Variants in PHYKPL observed in about 807,000 individuals in gnomAD.
The protein encoded by PHYKPL is 5-phosphohydroxy-L-lysine phospho-lyase, also known as 5-phosphonooxy-L-lysine phospho-lyase.
In PHYKPL, 42 loss-of-function variants were observed where a neutral mutation model predicts 51.3. That is an observed-to-expected ratio of 0.82 (90% confidence interval 0.64 to 1.06). The LOEUF (loss-of-function observed/expected upper bound fraction) is 1.06, where lower values mean the gene tolerates loss of function less well. PHYKPL is among the 50% of genes least tolerant of loss of function. The probability of loss-of-function intolerance (pLI) is 0.00; values close to 1 mark genes in which losing one functional copy is unlikely to be tolerated. For missense variants in PHYKPL, 655 were observed against 586.6 expected, an observed-to-expected ratio of 1.12 and a Z score of -1.20; for synonymous variants, 264 against 236.0, an observed-to-expected ratio of 1.12 and a Z score of -1.09.
Position 178,224,568 on chromosome 5 carries a change from TG to T in PHYKPL, c.502-5del, listed in dbSNP as rs1761905290. 1.2e-6 allele frequency: 2 copies of T among 1,614,146 alleles called. No individual in the cohort carries two copies. Among genetic ancestry groups the T allele is most frequent in the Admixed American group, 1.7e-5 (1 of 60,024 alleles). On this transcript the variant is annotated splice_region_variant and splice_polypyrimidine_tract_variant and intron_variant, in intron 5 of 12. Coordinates refer to ENST00000308158, the MANE Select transcript of PHYKPL (RefSeq NM_153373.4). ...GGTAGGTGTCTGGGAGAGGTGCCTG[TG>T]GGGAGTGACAGCGCCATGTTATCCG...
chr5:178,227,433 C>G (rs1178267950), intron 3 of PHYKPL, among the ~76,000 whole-genome samples: 1 of 152,220 alleles, frequency 6.6e-6, no homozygotes, highest in Non-Finnish European at 1.5e-5. Context: ...CAGACCAACA[C>G]AGAGGGTCAG....
At chr5:178,215,232 G>T in intron 9 of PHYKPL, 44 bp downstream of exon 9, 1 of 1,613,136 alleles carries the variant, frequency 6.2e-7, no homozygotes, top group Middle Eastern at 1.7e-4. Flanking sequence ...GTACCACACT[G>T]GGCCTTGGCA....
intron 7 of PHYKPL, 44 bp from the exon 8 acceptor site, chr5:178,222,624 G>T: frequency 1.3e-6 from 2 of 1,598,314 alleles, no homozygotes; most frequent in Non-Finnish European, 1.7e-6. Flanking sequence ...TGGTTGAGAG[G>T]GATAAGATCA....
chr5:178,231,406 G>A lies in PHYKPL; in HGVS notation c.177C>T (p.His59=), dbSNP rs747379123. Residue 59 remains histidine, a splice_region_variant and synonymous_variant, in exon 2 of 13, where the codon CAC becomes CAT. Transcript: ENST00000308158. ...EYIDCISNVA[H]VGHCHPLVVQ... is the part of the protein sequence containing the mutation. ...GCCAGCCTGAGGTGTGATACTGACC[G>A]TGCGCCACATTGCTGATGCAATCGA... is the stretch of plus-strand genomic sequence containing the variant. 1.9e-6 allele frequency: 3 copies of A among 1,614,168 alleles called. No individual in the cohort carries two copies. The highest frequency in any genetic ancestry group is 1.7e-5 in the Admixed American group (1 of 60,024).
intron 12 of PHYKPL, chr5:178,210,681 A>C: frequency 7.4e-7 from 1 of 1,344,118 alleles, no homozygotes; most frequent in Non-Finnish European, 1.1e-6. Context: ...TATGGAGTGA[A>C]CACAATTATG....
Position 178,224,508 on chromosome 5 carries a change from AGCTGG to A in PHYKPL, c.553_557del (p.Pro185TyrfsTer27), listed in dbSNP as rs748524438. 1.2e-6 allele frequency: 2 copies of A among 1,613,560 alleles called. No individual in the cohort carries two copies. The highest frequency in any genetic ancestry group is 1.7e-5 in the Admixed American group (1 of 60,008). ...GTTTCACCTCGTTGGCATAGGCCAT[AGCTGG>A]GTTGGGGTGGTCCTCCCGGTAGGGG... On this transcript the variant is annotated frameshift_variant, in exon 6 of 13. Transcript: ENST00000308158. LOFTEE classifies it high-confidence loss of function.
chr5:178,228,517 T>C (rs1423095754), intron 3 of PHYKPL: 1 of 702,536 alleles, frequency 1.4e-6, no homozygotes, highest in African/African-American at 1.7e-5. Context: ...CCCTTCTCTT[T>C]CCAGAGGCTC....
intron 11 of PHYKPL, 31 bp from the exon 12 acceptor site, chr5:178,212,001 A>G: frequency 1.2e-6 from 2 of 1,613,622 alleles, no homozygotes; most frequent in South Asian, 1.1e-5. Context: ...ATGCCGACTC[A>G]GTCACCTTTC....
At chr5:178,227,151 G>C (rs1237576512) in intron 3 of PHYKPL, among the ~76,000 whole-genome samples, 1 of 151,924 alleles carries the variant, frequency 6.6e-6, no homozygotes, top group East Asian at 2.0e-4. Flanking sequence ...AGATAAGAGA[G>C]GTGATTACAT....
At chr5:178,210,160 C>A in intron 12 of PHYKPL, 1 of 1,614,002 alleles carries the variant, frequency 6.2e-7, no homozygotes, top group Non-Finnish European at 8.5e-7. Flanking sequence ...ATCAGGGCTA[C>A]GGCAACTACT....
intron 2 of PHYKPL, 111 bp from the exon 3 acceptor site, chr5:178,230,210 A>T (rs10058002): frequency 0.077 from 102,285 of 1,329,338 alleles, 4,384 homozygotes; most frequent in Admixed American, 0.16. Context: ...TTCTAGAGGG[A>T]GAGGTAGAAA....
chr5:178,225,426 T>C lies in PHYKPL; in HGVS notation c.342A>G (p.Ser114=). Residue 114 remains serine, a synonymous_variant, in exon 4 of 13, where the codon TCA becomes TCG. Transcript: ENST00000308158. ...GCCTCAGGGCCAGGTCATTGGCTTC[T>C]GACCTATGACCGAAAAGGTGGGCAT... is the stretch of plus-strand genomic sequence containing the variant. The part of the protein sequence containing the change: ...LCVFYFLNSG[S]EANDLALRLA... 6.2e-7 allele frequency: 1 copy of C among 1,614,212 alleles called. No individual in the cohort carries two copies.
intron 12 of PHYKPL, chr5:178,210,151 TCAGGGCTACG>T: frequency 6.2e-7 from 1 of 1,614,100 alleles, no homozygotes; most frequent in Non-Finnish European, 8.5e-7. Flanking sequence ...AGAGTTGGAA[TCAGGGCTACG>T]GCAACTACTG....
intron 1 of PHYKPL, 43 bp from the exon 2 acceptor site, chr5:178,231,566 G>T: frequency 6.2e-7 from 1 of 1,613,798 alleles, no homozygotes; most frequent in Non-Finnish European, 8.5e-7. Flanking sequence ...TCTGAAGACC[G>T]AAAGGGTGAA....
chr5:178,224,283 T>TG (rs1431366166), intron 6 of PHYKPL, 165 bp downstream of exon 6: 1 of 748,592 alleles, frequency 1.3e-6, no homozygotes, highest in Middle Eastern at 3.1e-4. Flanking sequence ...TGCTAGGCCG[T>TG]GCACTCAGAC....
At chr5:178,216,136 T>C (rs57358849) in intron 8 of PHYKPL, 33,821 of 151,958 alleles carry the variant, frequency 0.22, 6,270 homozygotes, top group African/African-American at 0.52. Context: ...CATCACTTCC[T>C]GTGCAACCGT....
rs531592228 is a variant in PHYKPL at position 178,232,789 on chromosome 5, G to A, written c.-239C>T. 207 of 349,918 alleles carry A rather than the reference G, an allele frequency of 5.9e-4. No individual in the cohort carries two copies. The highest frequency in any genetic ancestry group is 8.3e-4 in the Non-Finnish European group (175 of 209,974). The allele number at this position is 349,918 out of a possible 1,614,324, so 21.7% of individuals were successfully genotyped here. ...TTGGCAGTCCCGCGCAGGAACTCGA[G>A]CGCTGCCCCGTCTCTGGTTCCGGGA... On this transcript the variant is annotated 5_prime_UTR_variant, in exon 1 of 13. Coordinates refer to ENST00000308158, the MANE Select transcript of PHYKPL (RefSeq NM_153373.4).
intron 12 of PHYKPL, chr5:178,211,342 C>CAAAG (rs1319342860): frequency 6.5e-6 from 1 of 153,624 alleles, no homozygotes; most frequent in African/African-American, 2.4e-5. Context: ...AGCCCCCCTT[C>CAAAG]AAAGAAAGGA....
At position 178,232,291 on chromosome 5, in the gene PHYKPL, C is replaced by T. The variant is rs1013973068; in HGVS notation, c.59+201G>A. 2.4e-6 allele frequency: 3 copies of T among 1,249,712 alleles called. No homozygotes were observed. The South Asian group carries it at 8.8e-5, about 37-fold the overall frequency. The allele number at this position is 1,249,712 out of a possible 1,614,324, so 77.4% of individuals were successfully genotyped here. ...CTGTCGGGGAGGCGGCCCCGGAGAC[C>T]ACCCGCCGGGACTGCCCAACGGCGC... On this transcript the variant is annotated intron_variant, in intron 1 of 12. Transcript: ENST00000308158.
Sources: gnomAD v4.1 joint callset for allele counts (sites outside exome capture counted in the v4.1 genomes callset) on GRCh38, gnomAD v4.1.1 for gene constraint, MANE v1.5 for transcripts, NCBI Gene and HGNC (gene_info 2026-07-23, HGNC 2026-07-21) for gene names.